Variants in KIF26B observed in about 807,000 individuals in gnomAD.
KIF26B encodes kinesin-like protein KIF26B.
In KIF26B, 63 loss-of-function variants were observed where a neutral mutation model predicts 151.2. That is an observed-to-expected ratio of 0.42 (90% CI 0.34 to 0.51). The LOEUF (loss-of-function observed/expected upper bound fraction) is 0.51, where lower values mean the gene tolerates loss of function less well. Ranked by LOEUF, KIF26B falls within the 20% of genes least tolerant of loss-of-function variation. The pLI is 0.07. For missense variants in KIF26B, 2,813 were observed against 2,913.6 expected (o/e 0.97, Z 0.79); for synonymous variants, 1,357 against 1,262.1 (o/e 1.08, Z -1.59).
chr1:245,410,303 C>A (rs534697754), intron 3 of KIF26B, among the ~76,000 whole-genome samples: 1 of 152,328 alleles, frequency 6.6e-6, no homozygotes, highest in Non-Finnish European at 1.5e-5. Flanking sequence ...AAGACAGAAA[C>A]CCTGGGTTCT....
intron 2 of KIF26B, among the ~76,000 whole-genome samples, chr1:245,246,684 A>G (rs1670335776): frequency 6.6e-6 from 1 of 152,204 alleles, no homozygotes; most frequent in African/African-American, 2.4e-5. Flanking sequence ...ATTCTGATTG[A>G]TGCCCATGCC....
At chr1:245,240,057 T>A (rs1322481861) in intron 2 of KIF26B, among the ~76,000 whole-genome samples, 1 of 151,904 alleles carries the variant, frequency 6.6e-6, no homozygotes, top group Non-Finnish European at 1.5e-5. Context: ...GTAGTCCCAG[T>A]TACTCAGGAG....
intron 2 of KIF26B, among the ~76,000 whole-genome samples, chr1:245,329,419 C>T (rs1672056583): frequency 1.3e-5 from 2 of 152,218 alleles, no homozygotes; most frequent in South Asian, 4.1e-4. Context: ...TTCCTGCCTG[C>T]AGCTCCGGAG....
At position 245,592,837 on chromosome 1, in the gene KIF26B, T is replaced by C. The variant is rs116772028; in HGVS notation, c.1351-9740T>C. On this transcript the variant is annotated intron_variant, in intron 5 of 14. Transcript: ENST00000407071. ...ATAACTGAACTGTGCTCAGAGTCTC[T>C]GGGGTCCTTTCAGGCATGGGTCTGT... 6.2e-3 allele frequency among the ~76,000 whole-genome samples: 937 copies of C among 152,328 alleles called. 10 individuals are homozygous for C. Among genetic ancestry groups the C allele is most frequent in the African/African-American group, 0.022 (905 of 41,572 alleles).
At chr1:245,439,783 C>A in intron 4 of KIF26B, among the ~76,000 whole-genome samples, 1 of 152,142 alleles carries the variant, frequency 6.6e-6, no homozygotes, top group East Asian at 1.9e-4. Flanking sequence ...GACTTTGTTG[C>A]CAGAAGATTC....
chr1:245,416,735 G>A (rs1662093941), intron 3 of KIF26B, among the ~76,000 whole-genome samples: 1 of 152,194 alleles, frequency 6.6e-6, no homozygotes. Context: ...GAAGGAGCAG[G>A]AGGTGTGTTT....
chr1:245,670,348 G>A (rs909674634), intron 10 of KIF26B, among the ~76,000 whole-genome samples: 2 of 148,434 alleles, frequency 1.3e-5, no homozygotes, highest in African/African-American at 2.5e-5. Context: ...AATATTAAAC[G>A]TCTCATATTT....
intron 4 of KIF26B, among the ~76,000 whole-genome samples, chr1:245,484,763 C>A (rs377661266): frequency 2.3e-3 from 290 of 124,672 alleles, no homozygotes; most frequent in East Asian, 8.7e-3. Flanking sequence ...TCTTCTTCTT[C>A]TTCATATTAT....
At chr1:245,515,734 C>G (rs1346808012) in intron 4 of KIF26B, among the ~76,000 whole-genome samples, 2 of 152,176 alleles carry the variant, frequency 1.3e-5, no homozygotes, top group Non-Finnish European at 2.9e-5. Context: ...TTTATGTGGG[C>G]TAGAACCTCT....
chr1:245,640,596 C>A (rs1200842958), intron 9 of KIF26B, among the ~76,000 whole-genome samples: 2 of 151,938 alleles, frequency 1.3e-5, no homozygotes, highest in Non-Finnish European at 2.9e-5. Flanking sequence ...CTCCTTACTT[C>A]CTTTCTTATT....
In KIF26B at chr1:245,560,387, G is replaced by A. The variant is rs1331408532; in HGVS notation, c.1350+19437G>A. Among the ~76,000 whole-genome samples the A allele has an allele frequency of 6.6e-6, 1 of 152,096 alleles. No individual in the cohort carries two copies. The highest frequency in any genetic ancestry group is 2.4e-5 in the African/African-American group (1 of 41,422). ...TGCGTGGAGTGCTGCCTGACAGCTT[G>A]CTATTTTCTTTCTTTCCTGTGAGAT... On this transcript the variant is annotated intron_variant, in intron 5 of 14. Transcript: ENST00000407071. The surrounding 1 kb of genome is among the most constrained non-coding windows in gnomAD (Gnocchi z 4.3).
At chr1:245,194,107 A>G (rs989662687) in intron 2 of KIF26B, among the ~76,000 whole-genome samples, 1 of 152,178 alleles carries the variant, frequency 6.6e-6, no homozygotes, top group Non-Finnish European at 1.5e-5. Flanking sequence ...GGAAAATGTG[A>G]TTTTGTAGGA....
intron 4 of KIF26B, among the ~76,000 whole-genome samples, chr1:245,431,190 T>A (rs1239913641): frequency 2.0e-5 from 3 of 152,080 alleles, no homozygotes; most frequent in Non-Finnish European, 4.4e-5. Context: ...CAACTACTCT[T>A]TTTTTTGAGA....
chr1:245,241,349 C>T lies in KIF26B; in HGVS notation c.465+84666C>T, dbSNP rs984338909. The stretch of plus-strand genomic sequence containing the variant: ...TCCTCATTTGGCCAGAGGGAGGCAG[C>T]TGGATCGGCTTCTCCAGAGCCTGCT... On this transcript the variant is annotated intron_variant, in intron 2 of 14. Transcript: ENST00000407071. This position sits in a 1 kb window ranked among gnomAD's most constrained non-coding sequence, Gnocchi z 5.0. 6.6e-6 allele frequency among the ~76,000 whole-genome samples: 1 copy of T among 152,190 alleles called. No individual in the cohort carries two copies.
chr1:245,230,016 C>G (rs930479404), intron 2 of KIF26B, among the ~76,000 whole-genome samples: 1 of 152,064 alleles, frequency 6.6e-6, no homozygotes, highest in Non-Finnish European at 1.5e-5. Context: ...GCCTGTAATC[C>G]CAGCTACTCT....
At chr1:245,306,661 A>T (rs777366215) in intron 2 of KIF26B, among the ~76,000 whole-genome samples, 1 of 152,018 alleles carries the variant, frequency 6.6e-6, no homozygotes, top group Non-Finnish European at 1.5e-5. Flanking sequence ...ACCCCCCACC[A>T]TCTATACATT....
At chr1:245,622,515 C>T (rs1487470779) in intron 9 of KIF26B, among the ~76,000 whole-genome samples, 2 of 152,226 alleles carry the variant, frequency 1.3e-5, no homozygotes, top group South Asian at 2.1e-4. Context: ...ATCCCTCCCA[C>T]GCACCCCGAG....
chr1:245,403,467 C>G (rs1351971477), intron 3 of KIF26B, among the ~76,000 whole-genome samples: 2 of 152,200 alleles, frequency 1.3e-5, no homozygotes, highest in Non-Finnish European at 2.9e-5. Flanking sequence ...ATTCTTTCCC[C>G]CAAAGGAGTA....
chr1:245,696,757 T>G (rs1449887385), intron 12 of KIF26B, among the ~76,000 whole-genome samples: 6 of 152,232 alleles, frequency 3.9e-5, no homozygotes, highest in Admixed American at 3.9e-4. Context: ...GCCTGCACTT[T>G]GTTGGAAACT....
Sources: gnomAD v4.1 joint callset for allele counts (sites outside exome capture counted in the v4.1 genomes callset) on GRCh38, gnomAD v4.1.1 for gene constraint, Gnocchi (gnomAD v3.1) non-coding constraint, MANE v1.5 for transcripts, NCBI Gene and HGNC (gene_info 2026-07-23, HGNC 2026-07-21) for gene names.